SIK3: variants seen among roughly 807,000 people sequenced by gnomAD.
SIK3 encodes the protein serine/threonine-protein kinase SIK3.
In SIK3, 28 loss-of-function variants were observed where a neutral mutation model predicts 144.2. The observed-to-expected ratio is 0.19, with a 90% CI of 0.14 to 0.27. The LOEUF (loss-of-function observed/expected upper bound fraction) is 0.27, where lower values mean the gene tolerates loss of function less well. Among genes scored for constraint, SIK3 ranks in the 10% least tolerant of loss-of-function variants. The pLI, the probability that SIK3 is intolerant of heterozygous loss-of-function variation, is 1.00. For missense variants in SIK3, 1,319 were observed against 1,776.0 expected (o/e 0.74, Z 4.62); for synonymous variants, 686 against 676.3 (o/e 1.01, Z -0.22).
rs1446348614 is a variant in SIK3 at position 116,927,384 on chromosome 11, T to C, written c.455-4A>G. 6.2e-7 allele frequency: 1 copy of C among 1,611,184 alleles called. No homozygotes were observed. The highest frequency in any genetic ancestry group is 8.5e-7 in the Non-Finnish European group (1 of 1,178,826). ...CTACCATGGGCCACCAGGTGGTCTG[T>C]GTTGAAGAAGAATACAGTCAGTTTT... is the stretch of plus-strand genomic sequence containing the variant. On this transcript the variant is annotated splice_polypyrimidine_tract_variant and splice_region_variant and intron_variant, in intron 3 of 24. Coordinates refer to ENST00000445177, the MANE Select transcript of SIK3 (RefSeq NM_001366686.3).
chr11:117,072,887 C>G (rs1231445489), intron 1 of SIK3, among the ~76,000 whole-genome samples: 5 of 152,142 alleles, frequency 3.3e-5, no homozygotes, highest in Non-Finnish European at 7.3e-5. Context: ...CAGGATAATG[C>G]TAAGGGATTG....
chr11:117,028,193 A>G (rs1452349836), intron 1 of SIK3, among the ~76,000 whole-genome samples: 1 of 152,174 alleles, frequency 6.6e-6, no homozygotes, highest in East Asian at 1.9e-4. Flanking sequence ...TGACGGTAGG[A>G]CTCAAACTCA....
chr11:117,000,015 T>C (rs879716763), intron 1 of SIK3, among the ~76,000 whole-genome samples: 2 of 152,242 alleles, frequency 1.3e-5, no homozygotes, highest in Non-Finnish European at 2.9e-5. Flanking sequence ...AATGTAGTTA[T>C]AATTGCCATT....
At chr11:117,047,330 C>A (rs74328581) in intron 1 of SIK3, among the ~76,000 whole-genome samples, 11,848 of 152,118 alleles carry the variant, frequency 0.078, 654 homozygotes, top group Admixed American at 0.14. Context: ...TTGTTAGAAT[C>A]CTGGAGGATT....
At chr11:117,001,941 A>C (rs76919167) in intron 1 of SIK3, among the ~76,000 whole-genome samples, 3,749 of 152,308 alleles carry the variant, frequency 0.025, 85 homozygotes, top group South Asian at 0.11. Flanking sequence ...TTATCTGCAG[A>C]AACAAATCCA....
chr11:116,861,800 A>C, intron 18 of SIK3, 41 bp downstream of exon 18: 1 of 1,359,758 alleles, frequency 7.4e-7, no homozygotes, highest in Non-Finnish European at 1.0e-6. Flanking sequence ...GTACCAGGCT[A>C]TCGAGACAAT....
chr11:116,923,065 C>T (rs1413885363), intron 4 of SIK3, among the ~76,000 whole-genome samples: 5 of 151,778 alleles, frequency 3.3e-5, no homozygotes, highest in Admixed American at 6.6e-5. Flanking sequence ...TACAGGCACC[C>T]GCCATCATGC....
intron 1 of SIK3, among the ~76,000 whole-genome samples, chr11:117,006,071 T>A (rs1490839548): frequency 2.0e-5 from 3 of 152,174 alleles, no homozygotes; most frequent in Non-Finnish European, 4.4e-5. Context: ...AGTTCTATAC[T>A]TTCATTTAGA....
chr11:117,048,325 T>TATAATTAA (rs1183399870), intron 1 of SIK3, among the ~76,000 whole-genome samples: 2 of 152,178 alleles, frequency 1.3e-5, no homozygotes, highest in East Asian at 3.8e-4. Context: ...TTTAAAAAGT[T>TATAATTAA]AATGAAATAC....
At chr11:117,081,381 T>G (rs1954777406) in intron 1 of SIK3, among the ~76,000 whole-genome samples, 1 of 152,158 alleles carries the variant, frequency 6.6e-6, no homozygotes, top group South Asian at 2.1e-4. Flanking sequence ...CACAGCACTT[T>G]GGAAGGCCGA....
intron 1 of SIK3, among the ~76,000 whole-genome samples, chr11:117,009,584 ACT>A (rs1049959837): frequency 7.2e-5 from 11 of 151,964 alleles, no homozygotes; most frequent in Admixed American, 6.6e-4. Flanking sequence ...AAACAGAGAA[ACT>A]CTGACGCAAA....
At chr11:117,007,233 C>A (rs1348691889) in intron 1 of SIK3, among the ~76,000 whole-genome samples, 1 of 152,120 alleles carries the variant, frequency 6.6e-6, no homozygotes, top group Non-Finnish European at 1.5e-5. Flanking sequence ...TAAAAATTAT[C>A]CGGGCTGGGT....
intron 1 of SIK3, among the ~76,000 whole-genome samples, chr11:117,079,475 A>G (rs994647156): frequency 1.3e-5 from 2 of 152,224 alleles, no homozygotes; most frequent in Non-Finnish European, 2.9e-5. Context: ...TGAAAATAAG[A>G]GCAAGGGAAA....
chr11:117,060,086 T>C (rs1054774899), intron 1 of SIK3, among the ~76,000 whole-genome samples: 6 of 152,152 alleles, frequency 3.9e-5, no homozygotes, highest in Non-Finnish European at 8.8e-5. Context: ...TTGAAAAAAG[T>C]TGAAAGCAAC....
At chr11:116,945,674 T>C (rs912096790) in intron 3 of SIK3, among the ~76,000 whole-genome samples, 3 of 152,204 alleles carry the variant, frequency 2.0e-5, no homozygotes, top group African/African-American at 7.2e-5. Flanking sequence ...CATTTGCACA[T>C]GTCCTGTAAA....
In SIK3 at chr11:116,846,432, G is replaced by C. The variant is rs778053250; in HGVS notation, c.4074C>G (p.Pro1358=). 4.3e-6 allele frequency: 7 copies of C among 1,614,180 alleles called. No homozygotes were observed. Among genetic ancestry groups the C allele is most frequent in the Non-Finnish European group, 5.9e-6 (7 of 1,180,040 alleles). ...CCTGCTCCATGCTGAAGGAGACTTC[G>C]GGGTGCTTGTAGCTGAGCAGAATGT... ...ITDILLSYKH[P]EVSFSMEQAG... Residue 1358 remains proline (P), a synonymous_variant, in exon 24 of 25, where the codon CCC becomes CCG. Transcript: ENST00000445177. This position sits in a 1 kb window ranked among gnomAD's most constrained non-coding sequence, Gnocchi z 4.1.
chr11:117,021,463 A>G (rs573461207), intron 1 of SIK3, among the ~76,000 whole-genome samples: 48 of 152,260 alleles, frequency 3.2e-4, no homozygotes, highest in African/African-American at 1.1e-3. Flanking sequence ...TGATGAGGTA[A>G]ATGATGTTTT....
intron 23 of SIK3, among the ~76,000 whole-genome samples, chr11:116,847,252 C>T (rs1438070781): frequency 6.6e-6 from 1 of 152,208 alleles, no homozygotes; most frequent in African/African-American, 2.4e-5. Context: ...AGATGAGAGA[C>T]AGGAATGGGA....
chr11:116,890,673 G>A (rs545153272), intron 6 of SIK3, among the ~76,000 whole-genome samples: 136 of 152,348 alleles, frequency 8.9e-4, no homozygotes, highest in African/African-American at 3.2e-3. Flanking sequence ...AGAGTGAATA[G>A]AAATTATCTA....
Sources: gnomAD v4.1 joint callset for allele counts (sites outside exome capture counted in the v4.1 genomes callset) on GRCh38, gnomAD v4.1.1 for gene constraint, Gnocchi (gnomAD v3.1) non-coding constraint, MANE v1.5 for transcripts, NCBI Gene and HGNC (gene_info 2026-07-23, HGNC 2026-07-21) for gene names.